DTD1: variants seen among roughly 807,000 people sequenced by gnomAD.
DTD1 encodes the protein D-tyrosyl-tRNA deacylase 1 homolog.
In DTD1, 13 loss-of-function variants were observed where a neutral mutation model predicts 25.6. The observed-to-expected ratio is 0.51, with a 90% CI of 0.33 to 0.81. The LOEUF (loss-of-function observed/expected upper bound fraction) is 0.81, where lower values mean the gene tolerates loss of function less well. Among genes scored for constraint, DTD1 ranks in the 30% least tolerant of loss-of-function variants. DTD1 has a pLI of 0.02. For missense variants in DTD1, 193 were observed against 266.4 expected, an observed-to-expected ratio of 0.72 and a Z score of 1.92; for synonymous variants, 110 against 103.6, an observed-to-expected ratio of 1.06 and a Z score of -0.37.
intron 4 of DTD1, among the ~76,000 whole-genome samples, chr20:18,661,371 C>CTTTTT (rs565601536): frequency 1.1e-4 from 13 of 120,192 alleles, no homozygotes; most frequent in East Asian, 4.7e-4. Context: ...GTCTTCTAGT[C>CTTTTT]TTTTTTTTTT....
chr20:18,615,953 ATTTG>A (rs1375984816), intron 3 of DTD1, among the ~76,000 whole-genome samples: 1 of 152,160 alleles, frequency 6.6e-6, no homozygotes, highest in Non-Finnish European at 1.5e-5. Flanking sequence ...ATTTCTGTGG[ATTTG>A]TTTAATTTTC....
At chr20:18,748,174 TACAC>T (rs11467996) in intron 5 of DTD1, among the ~76,000 whole-genome samples, 6,031 of 149,844 alleles carry the variant, frequency 0.04, 240 homozygotes, top group African/African-American at 0.1. Context: ...CTGGCACGCA[TACAC>T]ACACACACAC....
intron 4 of DTD1, among the ~76,000 whole-genome samples, chr20:18,672,626 T>C (rs1237856992): frequency 6.6e-6 from 1 of 152,234 alleles, no homozygotes; most frequent in East Asian, 1.9e-4. Context: ...AAAAATTCTC[T>C]AAGAATGAAA....
chr20:18,748,825 A>T (rs2061310651), intron 5 of DTD1, among the ~76,000 whole-genome samples: 1 of 152,222 alleles, frequency 6.6e-6, no homozygotes, highest in Admixed American at 6.5e-5. Context: ...TAGGTAGCAT[A>T]GAACTTGGGG....
intron 4 of DTD1, among the ~76,000 whole-genome samples, chr20:18,700,493 C>CT (rs11481533): frequency 0.33 from 48,285 of 145,168 alleles, 8,047 homozygotes; most frequent in Non-Finnish European, 0.39. Context: ...TAGTGGTGAC[C>CT]TTTTTTTTTT....
chr20:18,589,330 G>T (rs565526706), intron 1 of DTD1, among the ~76,000 whole-genome samples: 2 of 151,948 alleles, frequency 1.3e-5, no homozygotes. Flanking sequence ...CAGCCTGGGC[G>T]ACAGAGCGAG....
chr20:18,738,129 A>G (rs568501403), intron 4 of DTD1, among the ~76,000 whole-genome samples: 21 of 152,310 alleles, frequency 1.4e-4, no homozygotes, highest in African/African-American at 4.8e-4. Flanking sequence ...CTTGGCACCT[A>G]GAGTAGGTAT....
At chr20:18,745,139 C>T (rs2061295095) in intron 5 of DTD1, among the ~76,000 whole-genome samples, 1 of 152,200 alleles carries the variant, frequency 6.6e-6, no homozygotes, top group Non-Finnish European at 1.5e-5. Context: ...ACTGCCATCT[C>T]AGCAGCCTAC....
intron 4 of DTD1, 95 bp from the exon 5 acceptor site, chr20:18,744,005 T>C (rs1301317633): frequency 7.2e-7 from 1 of 1,395,834 alleles, no homozygotes; most frequent in East Asian, 2.5e-5. Context: ...AAAAAAACTT[T>C]TCAATGGTTC....
At position 18,723,750 on chromosome 20, in the gene DTD1, A is replaced by G. The variant is rs78572599; in HGVS notation, c.478-20350A>G. 5.0e-3 allele frequency among the ~76,000 whole-genome samples: 755 copies of G among 152,352 alleles called. 5 individuals carry two copies. The highest frequency in any genetic ancestry group is 0.035 in the South Asian group (169 of 4,832). On this transcript the variant is annotated intron_variant, in intron 4 of 5. Transcript: ENST00000377452. Reference sequence around the variant, plus strand: ...TGCTGCAGCTCCATTGTAGAGGAAAAGGATTTTAACCTATTGCTTCCTACA... The same window carrying G: ...TGCTGCAGCTCCATTGTAGAGGAAAGGGATTTTAACCTATTGCTTCCTACA...
At chr20:18,670,794 C>A (rs2060949111) in intron 4 of DTD1, among the ~76,000 whole-genome samples, 1 of 152,148 alleles carries the variant, frequency 6.6e-6, no homozygotes, top group Non-Finnish European at 1.5e-5. Context: ...TGGAGTGAAA[C>A]CTTCAGAGGT....
chr20:18,673,896 C>A (rs563431149), intron 4 of DTD1, among the ~76,000 whole-genome samples: 102 of 148,666 alleles, frequency 6.9e-4, no homozygotes, highest in Non-Finnish European at 1.2e-3. Flanking sequence ...TGAAATAAAA[C>A]CCTATGTTAG....
chr20:18,614,819 C>T (rs898255150), intron 3 of DTD1, among the ~76,000 whole-genome samples: 33 of 151,990 alleles, frequency 2.2e-4, no homozygotes, highest in African/African-American at 8.0e-4. Flanking sequence ...CTCTCCCTTC[C>T]TCCTTCCCTT....
At chr20:18,721,247 CG>C (rs1168605793) in intron 4 of DTD1, among the ~76,000 whole-genome samples, 2 of 152,056 alleles carry the variant, frequency 1.3e-5, no homozygotes, top group South Asian at 2.1e-4. Flanking sequence ...GGTTTGAGCA[CG>C]TTTTTTTTCT....
chr20:18,718,988 T>G (rs1014378354), intron 4 of DTD1, among the ~76,000 whole-genome samples: 4 of 152,220 alleles, frequency 2.6e-5, no homozygotes, highest in Non-Finnish European at 5.9e-5. Context: ...CTCCCCGTTT[T>G]GTACAGATGC....
chr20:18,703,571 T>A (rs905054197), intron 4 of DTD1, among the ~76,000 whole-genome samples: 5 of 152,148 alleles, frequency 3.3e-5, no homozygotes, highest in Non-Finnish European at 5.9e-5. Flanking sequence ...GTATTTTCCA[T>A]TCTTTTTCCA....
chr20:18,593,641 T>G (rs934306017), intron 1 of DTD1, 90 bp from the exon 2 acceptor site: 3 of 852,456 alleles, frequency 3.5e-6, no homozygotes, highest in Non-Finnish European at 5.9e-6. Flanking sequence ...GAAGTATGTA[T>G]GATGTTTAAA....
At chr20:18,599,527 T>G (rs1228092394) in intron 3 of DTD1, among the ~76,000 whole-genome samples, 2 of 152,192 alleles carry the variant, frequency 1.3e-5, no homozygotes, top group Non-Finnish European at 2.9e-5. Flanking sequence ...TCAGCTCTTT[T>G]GTGCAAATAC....
chr20:18,695,654 C>G (rs1024901494), intron 4 of DTD1, among the ~76,000 whole-genome samples: 1 of 117,558 alleles, frequency 8.5e-6, no homozygotes, highest in Non-Finnish European at 1.7e-5. Context: ...TGCCCTCCCT[C>G]CCTTTTTCTG....
Sources: gnomAD v4.1 joint callset for allele counts (sites outside exome capture counted in the v4.1 genomes callset) on GRCh38, gnomAD v4.1.1 for gene constraint, MANE v1.5 for transcripts, NCBI Gene and HGNC (gene_info 2026-07-23, HGNC 2026-07-21) for gene names.